Variants in ROBO2 observed in about 807,000 individuals in gnomAD.
ROBO2 encodes the protein roundabout homolog 2.
In ROBO2, 53 loss-of-function variants were observed where a neutral mutation model predicts 160.8. That is an observed-to-expected ratio of 0.33 (90% CI 0.26 to 0.41). ROBO2 has a LOEUF of 0.41. Ranked by LOEUF, ROBO2 falls within the 10% of genes least tolerant of loss-of-function variation. The pLI, the probability that ROBO2 is intolerant of heterozygous loss-of-function variation, is 1.00. For synonymous variants in ROBO2, 664 were observed against 611.7 expected (o/e 1.09, Z -1.26); for missense variants, 1,577 against 1,722.4 (o/e 0.92, Z 1.49).
chr3:77,571,741 G>A (rs976700733), intron 13 of ROBO2, among the ~76,000 whole-genome samples: 2 of 151,930 alleles, frequency 1.3e-5, no homozygotes, highest in Middle Eastern at 3.4e-3. Flanking sequence ...AATAAAACTC[G>A]TAACAAACAT....
At chr3:77,194,244 G>C (rs569382297) in intron 2 of ROBO2, among the ~76,000 whole-genome samples, 1 of 152,122 alleles carries the variant, frequency 6.6e-6, no homozygotes, top group Non-Finnish European at 1.5e-5. Flanking sequence ...TTCTCTGGGG[G>C]TCTCTCCACT....
intron 4 of ROBO2, among the ~76,000 whole-genome samples, chr3:77,482,889 T>C (rs2084878363): frequency 6.6e-6 from 1 of 151,974 alleles, no homozygotes; most frequent in South Asian, 2.1e-4. Context: ...ATTACTGCAG[T>C]ATAGACTGCC....
chr3:77,288,236 G>C (rs1395742980), intron 2 of ROBO2, among the ~76,000 whole-genome samples: 1 of 152,196 alleles, frequency 6.6e-6, no homozygotes, highest in Non-Finnish European at 1.5e-5. Context: ...CGTTGTTAGT[G>C]AAAATGTGTT....
chr3:76,834,039 C>T (rs200989771), intron 2 of ROBO2, among the ~76,000 whole-genome samples: 878 of 16,656 alleles, frequency 0.053, 2 homozygotes, highest in Non-Finnish European at 0.077. Flanking sequence ...TTCTTTCTTT[C>T]CTTTCTTTCT....
intron 2 of ROBO2, among the ~76,000 whole-genome samples, chr3:76,286,521 G>T (rs1708514190): frequency 6.6e-6 from 1 of 152,134 alleles, no homozygotes; most frequent in Non-Finnish European, 1.5e-5. Context: ...TCACTTTGTT[G>T]TCAGGGTGAA....
At chr3:76,146,876 T>TCACACA (rs1053449648) in intron 2 of ROBO2, among the ~76,000 whole-genome samples, 1 of 146,108 alleles carries the variant, frequency 6.8e-6, no homozygotes, top group Admixed American at 6.8e-5. Flanking sequence ...ACACACACAC[T>TCACACA]CACACACACA....
At chr3:77,639,200 G>A (rs2095311984) in intron 24 of ROBO2, among the ~76,000 whole-genome samples, 1 of 151,890 alleles carries the variant, frequency 6.6e-6, no homozygotes, top group Non-Finnish European at 1.5e-5. Context: ...TACTAGCTTT[G>A]GCCTTTGAGC....
At chr3:76,471,354 T>A (rs569811274) in intron 2 of ROBO2, among the ~76,000 whole-genome samples, 1 of 152,264 alleles carries the variant, frequency 6.6e-6, no homozygotes, top group African/African-American at 2.4e-5. Flanking sequence ...TGTATATGTA[T>A]CCCTTCATTT....
At chr3:76,452,577 G>T (rs1461314194) in intron 2 of ROBO2, among the ~76,000 whole-genome samples, 3 of 152,012 alleles carry the variant, frequency 2.0e-5, no homozygotes, top group African/African-American at 4.8e-5. Context: ...TCTATCATTG[G>T]TGGATATTTG....
intron 2 of ROBO2, among the ~76,000 whole-genome samples, chr3:76,814,016 C>T (rs1009028811): frequency 6.6e-6 from 1 of 151,882 alleles, no homozygotes; most frequent in African/African-American, 2.4e-5. Context: ...AATACATATG[C>T]CTGAGAAACA....
intron 2 of ROBO2, among the ~76,000 whole-genome samples, chr3:77,002,901 A>T (rs2061401100): frequency 6.6e-6 from 1 of 152,186 alleles, no homozygotes; most frequent in South Asian, 2.1e-4. Context: ...ATGTATAATG[A>T]CAACATCAAA....
intron 2 of ROBO2, among the ~76,000 whole-genome samples, chr3:76,615,935 T>C (rs1393943728): frequency 5.3e-5 from 8 of 152,156 alleles, no homozygotes. Flanking sequence ...AGCCAGCAAG[T>C]GCCAGAGTTG....
Position 75,987,253 on chromosome 3 carries a change from T to C in ROBO2, c.109+49651T>C, listed in dbSNP as rs150162024. Among the ~76,000 whole-genome samples the C allele has an allele frequency of 6.6e-5, 10 of 152,126 alleles. No homozygotes were observed. The East Asian group carries it at 9.7e-4, about 15-fold the overall frequency. On this transcript the variant is annotated intron_variant, in intron 2 of 26. Transcript: ENST00000487694. ...CCATAGTTTTCATTTTACAAGTCTTTCATATCCCTGGCTAAGTTAATTACT... is the reference window on the plus strand; with the variant it reads ...CCATAGTTTTCATTTTACAAGTCTTCCATATCCCTGGCTAAGTTAATTACT...
At chr3:77,458,619 A>G (rs1178615218) in intron 2 of ROBO2, among the ~76,000 whole-genome samples, 1 of 151,598 alleles carries the variant, frequency 6.6e-6, no homozygotes, top group Non-Finnish European at 1.5e-5. Context: ...AAAAAAGGCA[A>G]TTGTACAGAA....
intron 2 of ROBO2, among the ~76,000 whole-genome samples, chr3:77,111,770 T>C (rs2150183153): frequency 6.6e-6 from 1 of 152,312 alleles, no homozygotes; most frequent in South Asian, 2.1e-4. Context: ...GAGTGCATTA[T>C]GGAGCTGGCA....
At chr3:76,120,556 CTTAGT>C (rs1395732781) in intron 2 of ROBO2, among the ~76,000 whole-genome samples, 1 of 152,102 alleles carries the variant, frequency 6.6e-6, no homozygotes, top group East Asian at 1.9e-4. Flanking sequence ...ATTTGAGATA[CTTAGT>C]TTAATCAATG....
chr3:76,207,359 AC>A (rs1361308861), intron 2 of ROBO2, among the ~76,000 whole-genome samples: 2 of 152,146 alleles, frequency 1.3e-5, no homozygotes, highest in Non-Finnish European at 2.9e-5. Flanking sequence ...TCATAGTATG[AC>A]CTGGACAATC....
At chr3:76,994,375 C>A (rs2060868455) in intron 2 of ROBO2, among the ~76,000 whole-genome samples, 1 of 108,480 alleles carries the variant, frequency 9.2e-6, no homozygotes, top group Non-Finnish European at 1.8e-5. Flanking sequence ...TCCTCACATA[C>A]AAACTTTAAA....
At chr3:76,480,248 A>C (rs2079140068) in intron 2 of ROBO2, among the ~76,000 whole-genome samples, 1 of 152,126 alleles carries the variant, frequency 6.6e-6, no homozygotes. Flanking sequence ...GAATAGTGAT[A>C]TCCTCCTCAT....
Sources: gnomAD v4.1 joint callset for allele counts (sites outside exome capture counted in the v4.1 genomes callset) on GRCh38, gnomAD v4.1.1 for gene constraint, MANE v1.5 for transcripts, NCBI Gene and HGNC (gene_info 2026-07-23, HGNC 2026-07-21) for gene names.